Variants in MAPKAP1 observed in about 807,000 individuals in gnomAD.
The protein encoded by MAPKAP1 is target of rapamycin complex 2 subunit MAPKAP1.
A neutral mutation model predicts 65.7 loss-of-function variants in MAPKAP1; 20 were observed. The ratio of observed to expected loss-of-function variants is 0.30; its 90% CI spans 0.21 to 0.44. The LOEUF is 0.44. Ranked by LOEUF, MAPKAP1 falls within the 20% of genes least tolerant of loss-of-function variation. MAPKAP1 has a pLI of 1.00. For synonymous variants in MAPKAP1, 222 were observed against 244.3 expected, an observed-to-expected ratio of 0.91 and a Z score of 0.85; for missense variants, 423 against 648.0, an observed-to-expected ratio of 0.65 and a Z score of 3.77.
chr9:125,444,757 G>C (rs1029735438), intron 10 of MAPKAP1, among the ~76,000 whole-genome samples, 159 bp from the exon 11 acceptor site: 3 of 151,976 alleles, frequency 2.0e-5, no homozygotes, highest in African/African-American at 7.3e-5. Context: ...TTACAGGCTG[G>C]GTATAAAATG....
intron 10 of MAPKAP1, among the ~76,000 whole-genome samples, chr9:125,451,673 T>A (rs1209629436): frequency 6.6e-6 from 1 of 152,086 alleles, no homozygotes; most frequent in Non-Finnish European, 1.5e-5. Flanking sequence ...GGTCTCCTAG[T>A]TTTCACGTTT....
chr9:125,500,482 C>CAT lies in MAPKAP1; in HGVS notation c.1066+5827_1066+5828insAT, dbSNP rs1270903992. ...TGCTGGGATTACAGGCATGAGCCAT[C>CAT]ACGCCGGCCCCCATTTGTGTTTTTA... is the stretch of plus-strand genomic sequence containing the variant. On this transcript the variant is annotated intron_variant, in intron 8 of 11. Transcript: ENST00000265960. Among the ~76,000 whole-genome samples the CAT allele has an allele frequency of 7.9e-5, 12 of 152,240 alleles. No individual in the cohort carries two copies. In the East Asian group the frequency reaches 2.1e-3, roughly 27 times the overall value.
chr9:125,482,932 T>A (rs566820312), intron 9 of MAPKAP1, among the ~76,000 whole-genome samples: 1 of 152,270 alleles, frequency 6.6e-6, no homozygotes, highest in East Asian at 1.9e-4. Context: ...GCTGCGGCAT[T>A]TCATCCTCAC....
At chr9:125,638,061 C>A (rs1018037084) in intron 4 of MAPKAP1, among the ~76,000 whole-genome samples, 2 of 152,150 alleles carry the variant, frequency 1.3e-5, no homozygotes, top group Non-Finnish European at 2.9e-5. Context: ...TCTGAGCCCC[C>A]ACGCCCAGCT....
At chr9:125,631,440 A>C (rs1177052418) in intron 4 of MAPKAP1, among the ~76,000 whole-genome samples, 2 of 152,206 alleles carry the variant, frequency 1.3e-5, no homozygotes, top group Non-Finnish European at 2.9e-5. Context: ...TCTTCTCTGG[A>C]TGGATTCTGT....
chr9:125,606,289 G>C (rs1247996866), intron 4 of MAPKAP1, among the ~76,000 whole-genome samples: 2 of 152,052 alleles, frequency 1.3e-5, no homozygotes, highest in African/African-American at 4.8e-5. Context: ...AAGAGTATAT[G>C]GGAAAAATTC....
intron 8 of MAPKAP1, 58 bp downstream of exon 8, chr9:125,506,252 G>A (rs1300560012): frequency 1.4e-6 from 2 of 1,444,682 alleles, no homozygotes; most frequent in Non-Finnish European, 1.9e-6. Context: ...CCAAACACAT[G>A]ACTTCTAAGC....
At chr9:125,473,216 C>T (rs1158810295) in intron 9 of MAPKAP1, among the ~76,000 whole-genome samples, 2 of 151,966 alleles carry the variant, frequency 1.3e-5, no homozygotes, top group African/African-American at 4.8e-5. Flanking sequence ...AACTGGAGCC[C>T]GGCAGGCTTC....
At chr9:125,498,901 GACTCCAA>G (rs1321814741) in intron 8 of MAPKAP1, among the ~76,000 whole-genome samples, 4 of 152,122 alleles carry the variant, frequency 2.6e-5, no homozygotes, top group African/African-American at 9.7e-5. Flanking sequence ...CCAGGTCTAT[GACTCCAA>G]ACCTCGACAC....
chr9:125,492,295 A>C (rs1854765695), intron 8 of MAPKAP1, among the ~76,000 whole-genome samples: 1 of 152,220 alleles, frequency 6.6e-6, no homozygotes, highest in Admixed American at 6.5e-5. Context: ...AAAGTTTGAG[A>C]ACTGCTGACT....
intron 1 of MAPKAP1, among the ~76,000 whole-genome samples, chr9:125,689,804 G>A (rs545901036): frequency 3.4e-5 from 5 of 146,210 alleles, no homozygotes; most frequent in East Asian, 4.2e-4. Flanking sequence ...AATGTACTAC[G>A]GGCCAGGCGC....
At chr9:125,704,806 C>T (rs1005633959) in intron 1 of MAPKAP1, among the ~76,000 whole-genome samples, 5 of 152,310 alleles carry the variant, frequency 3.3e-5, no homozygotes, top group Admixed American at 6.5e-5. Flanking sequence ...ACCTTTGTAT[C>T]TTATAGCTAT....
chr9:125,687,567 G>C (rs1298238285), intron 1 of MAPKAP1, among the ~76,000 whole-genome samples: 1 of 151,814 alleles, frequency 6.6e-6, no homozygotes, highest in East Asian at 1.9e-4. Context: ...ACTTAAGGCG[G>C]GGAGTTTGAG....
chr9:125,475,625 C>T (rs1854076661), intron 9 of MAPKAP1, among the ~76,000 whole-genome samples: 1 of 152,224 alleles, frequency 6.6e-6, no homozygotes, highest in African/African-American at 2.4e-5. Context: ...GACACAGCAC[C>T]AGGGCAGAGC....
chr9:125,561,752 G>T (rs942412403), intron 5 of MAPKAP1, among the ~76,000 whole-genome samples: 2 of 152,160 alleles, frequency 1.3e-5, no homozygotes, highest in Non-Finnish European at 2.9e-5. Context: ...GTCCCTCAGA[G>T]ATTGTAAAGA....
intron 4 of MAPKAP1, among the ~76,000 whole-genome samples, chr9:125,634,691 A>G (rs909323812): frequency 2.6e-5 from 4 of 152,328 alleles, no homozygotes; most frequent in Admixed American, 6.5e-5. Flanking sequence ...TCTCCTTGGC[A>G]TATGATCCAG....
chr9:125,520,090 G>A (rs1403272136), intron 7 of MAPKAP1, among the ~76,000 whole-genome samples: 4 of 152,160 alleles, frequency 2.6e-5, no homozygotes, highest in Non-Finnish European at 5.9e-5. Context: ...CCACTCACAT[G>A]TTATGTAATC....
intron 10 of MAPKAP1, among the ~76,000 whole-genome samples, chr9:125,450,734 G>C (rs1852913510): frequency 6.6e-6 from 1 of 152,204 alleles, no homozygotes; most frequent in Non-Finnish European, 1.5e-5. Flanking sequence ...TGGCCTGAGA[G>C]GGGAACATTC....
At chr9:125,652,085 T>C (rs765145233) in intron 4 of MAPKAP1, 3 of 1,249,360 alleles carry the variant, frequency 2.4e-6, no homozygotes, top group Non-Finnish European at 3.1e-6. Context: ...CTAAGGGCAA[T>C]TTTTCTTTTT....
Sources: gnomAD v4.1 joint callset for allele counts (sites outside exome capture counted in the v4.1 genomes callset) on GRCh38, gnomAD v4.1.1 for gene constraint, MANE v1.5 for transcripts, NCBI Gene and HGNC (gene_info 2026-07-23, HGNC 2026-07-21) for gene names.